Variants in GPR183 observed in about 807,000 individuals in gnomAD.
GPR183 encodes the protein EBV-induced G-protein coupled receptor 2.
GPR183 carries 9 observed loss-of-function variants against 19.7 expected under a neutral mutation model. That is an observed-to-expected ratio of 0.46 (90% CI 0.28 to 0.80). GPR183 has a LOEUF of 0.80. Among genes scored for constraint, GPR183 ranks in the 30% least tolerant of loss-of-function variants. GPR183 has a pLI of 0.13. For missense variants in GPR183, 368 were observed against 446.7 expected, an observed-to-expected ratio of 0.82 and a Z score of 1.59; for synonymous variants, 160 against 155.1, an observed-to-expected ratio of 1.03 and a Z score of -0.24.
At chr13:99,307,200 A>G (rs1428059446) in intron 1 of GPR183, 140 bp downstream of exon 1, 1 of 152,208 alleles carries the variant, frequency 6.6e-6, no homozygotes, top group Non-Finnish European at 1.5e-5. Context: ...AACTTACATT[A>G]TTAATATAAT....
intron 1 of GPR183, among the ~76,000 whole-genome samples, chr13:99,301,224 A>G (rs764615078): frequency 3.9e-5 from 6 of 152,214 alleles, no homozygotes; most frequent in Non-Finnish European, 8.8e-5. Context: ...GGCATGGATA[A>G]TGACTGGGCC....
intron 1 of GPR183, among the ~76,000 whole-genome samples, chr13:99,299,070 T>A (rs1353668536): frequency 2.6e-5 from 4 of 152,158 alleles, no homozygotes; most frequent in Non-Finnish European, 5.9e-5. Flanking sequence ...TATGAATAAT[T>A]ATTATTGTAG....
At chr13:99,296,784 C>T (rs1025020654) in intron 1 of GPR183, among the ~76,000 whole-genome samples, 7 of 152,028 alleles carry the variant, frequency 4.6e-5, no homozygotes, top group African/African-American at 1.4e-4. Context: ...ACCGCAACAA[C>T]CATGACTAAA....
intron 1 of GPR183, among the ~76,000 whole-genome samples, chr13:99,297,809 A>T (rs546258427): frequency 2.2e-5 from 3 of 137,118 alleles, no homozygotes; most frequent in East Asian, 2.0e-4. Flanking sequence ...GGTTTAGATT[A>T]AAAAAAAAAA....
At chr13:99,302,459 GA>G (rs1566493194) in intron 1 of GPR183, among the ~76,000 whole-genome samples, 3 of 152,220 alleles carry the variant, frequency 2.0e-5, no homozygotes, top group African/African-American at 7.2e-5. Context: ...AGGGAAGAAA[GA>G]AATCATTCAT....
chr13:99,301,436 CAT>C (rs1224315338), intron 1 of GPR183, among the ~76,000 whole-genome samples: 17 of 152,370 alleles, frequency 1.1e-4, no homozygotes, highest in South Asian at 2.1e-4. Flanking sequence ...GTTATCCTAA[CAT>C]GTGTAAAACA....
intron 1 of GPR183, 142 bp from the exon 2 acceptor site, chr13:99,296,305 A>G (rs959428215): frequency 3.6e-6 from 2 of 550,370 alleles, no homozygotes; most frequent in Non-Finnish European, 5.9e-6. Context: ...ATTTCATGAC[A>G]TGCAATTTTT....
At chr13:99,304,111 C>G (rs2044295982) in intron 1 of GPR183, among the ~76,000 whole-genome samples, 1 of 152,206 alleles carries the variant, frequency 6.6e-6, no homozygotes, top group Admixed American at 6.5e-5. Flanking sequence ...CACAAGTTCC[C>G]TCATGATCTG....
At chr13:99,304,372 G>A (rs2044300441) in intron 1 of GPR183, among the ~76,000 whole-genome samples, 2 of 151,986 alleles carry the variant, frequency 1.3e-5, no homozygotes, top group Admixed American at 6.5e-5. Flanking sequence ...AGGCAGTGTG[G>A]GTGTATTTGT....
chr13:99,302,475 T>A (rs547131394), intron 1 of GPR183, among the ~76,000 whole-genome samples: 2 of 152,366 alleles, frequency 1.3e-5, no homozygotes, highest in East Asian at 3.9e-4. Context: ...ATTCATTACT[T>A]CTTCCTCTGG....
chr13:99,305,507 G>A (rs766485339), intron 1 of GPR183, among the ~76,000 whole-genome samples: 1 of 152,130 alleles, frequency 6.6e-6, no homozygotes, highest in Non-Finnish European at 1.5e-5. Flanking sequence ...ATGATGACTT[G>A]ATCTCATCCA....
rs1448042109 is a variant in GPR183 at position 99,294,832 on chromosome 13, G to A, written c.*228C>T. On this transcript the variant is annotated 3_prime_UTR_variant, in exon 2 of 2. Transcript: ENST00000376414. Reference sequence around the variant, plus strand: ...AAGAGCGCCTCCTTTTGGTGTATTCGTTTACAAATAAAAATGAAATATTTA... The same window carrying A: ...AAGAGCGCCTCCTTTTGGTGTATTCATTTACAAATAAAAATGAAATATTTA... 11 of 394,290 alleles carry A rather than the reference G, an allele frequency of 2.8e-5. No homozygotes were observed. The highest frequency in any genetic ancestry group is 5.0e-5 in the South Asian group (1 of 19,886). 24.4% of individuals were successfully genotyped at this position (394,290 alleles called of 1,614,324 possible). A position where few individuals can be genotyped will look rare whatever the true frequency, so the allele number is the denominator to read the frequency against.
At chr13:99,298,971 T>C (rs1566491550) in intron 1 of GPR183, among the ~76,000 whole-genome samples, 1 of 152,236 alleles carries the variant, frequency 6.6e-6, no homozygotes, top group Non-Finnish European at 1.5e-5. Flanking sequence ...ATGTATATTT[T>C]TGAGTATTTC....
rs373174545 is a variant in GPR183 at position 99,295,697 on chromosome 13, C to A, written c.449G>T (p.Gly150Val). 4.3e-6 allele frequency: 7 copies of A among 1,614,106 alleles called. No homozygotes were observed. Among genetic ancestry groups the A allele is most frequent in the South Asian group, 1.1e-5 (1 of 91,070 alleles). The change falls in exon 2 of 2, where the codon GGC (glycine) becomes GTC (valine). Residue 150 changes from glycine (G) to valine (V), a missense_variant. Coordinates refer to ENST00000376414, the MANE Select transcript of GPR183 (RefSeq NM_004951.5). The surrounding 1 kb of genome is among the most constrained non-coding windows in gnomAD (Gnocchi z 4.1). The stretch of plus-strand genomic sequence containing the variant: ...TAGAATCCAGACAAATATGCACACG[C>A]CTTTTGCATGTTCAATCCTTTTTAT... ...NKIKRIEHAK[G>V]VCIFVWILVF... is the part of the protein sequence containing the mutation.
At chr13:99,297,881 T>A (rs2044200187) in intron 1 of GPR183, among the ~76,000 whole-genome samples, 1 of 150,790 alleles carries the variant, frequency 6.6e-6, no homozygotes, top group African/African-American at 2.4e-5. Flanking sequence ...AGGTTGAGAA[T>A]AAAGGCAAGA....
In GPR183 at chr13:99,296,080, G is replaced by A. The variant is rs2044167448; in HGVS notation, c.66C>T (p.Asp22=). ...TGGCCGTGCTGTGATGTGCATAGAG[G>A]TCACAGTCATTTCCCTGAGGAGTTG... is the stretch of plus-strand genomic sequence containing the variant. The part of the protein sequence containing the change: ...PSATPQGNDC[D]LYAHHSTARI... The change falls in exon 2 of 2, where the codon GAC becomes GAT. Residue 22 remains aspartate, a synonymous_variant. Coordinates refer to ENST00000376414, the MANE Select transcript of GPR183 (RefSeq NM_004951.5). The A allele has an allele frequency of 6.2e-7, 1 of 1,613,508 alleles. No individual in the cohort carries two copies. The highest frequency in any genetic ancestry group is 1.7e-5 in the Admixed American group (1 of 59,974).
chr13:99,298,271 C>T (rs1279618070), intron 1 of GPR183, among the ~76,000 whole-genome samples: 1 of 152,166 alleles, frequency 6.6e-6, no homozygotes, highest in African/African-American at 2.4e-5. Context: ...CACCAGAAGA[C>T]TCAAAGCTTT....
At chr13:99,304,195 T>C (rs982847429) in intron 1 of GPR183, among the ~76,000 whole-genome samples, 7 of 152,168 alleles carry the variant, frequency 4.6e-5, no homozygotes, top group Non-Finnish European at 8.8e-5. Context: ...CATGCAAAAT[T>C]ACTTAGAACC....
intron 1 of GPR183, among the ~76,000 whole-genome samples, chr13:99,304,159 T>G (rs1050327313): frequency 9.9e-5 from 15 of 152,268 alleles, no homozygotes; most frequent in Middle Eastern, 3.4e-3. Flanking sequence ...CTGGTCAGCT[T>G]CCCCTGATCG....
Sources: gnomAD v4.1 joint callset for allele counts (sites outside exome capture counted in the v4.1 genomes callset) on GRCh38, gnomAD v4.1.1 for gene constraint, Gnocchi (gnomAD v3.1) non-coding constraint, MANE v1.5 for transcripts, NCBI Gene and HGNC (gene_info 2026-07-23, HGNC 2026-07-21) for gene names.